The following GPC6 variants were observed in gnomAD, a reference collection of about 807,000 sequenced individuals.
GPC6 encodes the protein glypican-6.
Under a neutral mutation model 55.2 loss-of-function variants are expected in GPC6, and 14 were observed. That is an observed-to-expected ratio of 0.25 (90% confidence interval 0.17 to 0.40). GPC6 has a LOEUF of 0.40. GPC6 is among the 10% of genes least tolerant of loss of function. The probability of loss-of-function intolerance (pLI) is 1.00; values close to 1 mark genes in which losing one functional copy is unlikely to be tolerated. For synonymous variants in GPC6, 278 were observed against 259.6 expected (o/e 1.07, Z -0.68); for missense variants, 641 against 708.5 (o/e 0.90, Z 1.08).
chr13:93,822,806 T>C, intron 2 of GPC6, among the ~76,000 whole-genome samples: 1 of 151,082 alleles, frequency 6.6e-6, no homozygotes, highest in Non-Finnish European at 1.5e-5. Flanking sequence ...TAGTATTCCA[T>C]GGTGTATAAG....
At chr13:94,104,140 A>T (rs1183915711) in intron 4 of GPC6, among the ~76,000 whole-genome samples, 1 of 152,138 alleles carries the variant, frequency 6.6e-6, no homozygotes, top group Non-Finnish European at 1.5e-5. Flanking sequence ...TTAAATAGGG[A>T]ATTGTTTCCC....
At chr13:93,812,318 G>A (rs979124216) in intron 2 of GPC6, among the ~76,000 whole-genome samples, 8 of 151,854 alleles carry the variant, frequency 5.3e-5, no homozygotes, top group African/African-American at 1.2e-4. Context: ...ACTGGGAGGC[G>A]GAGGTTGCAG....
intron 4 of GPC6, among the ~76,000 whole-genome samples, chr13:94,093,075 C>T (rs974709054): frequency 6.6e-6 from 1 of 152,008 alleles, no homozygotes; most frequent in Non-Finnish European, 1.5e-5. Flanking sequence ...TGCCTTTTCA[C>T]TCAATTGATT....
At chr13:93,264,443 T>G (rs989147933) in intron 1 of GPC6, among the ~76,000 whole-genome samples, 3 of 152,160 alleles carry the variant, frequency 2.0e-5, no homozygotes, top group African/African-American at 7.2e-5. Context: ...AGATTCTTGC[T>G]CTTTTGCCCA....
At chr13:94,034,455 T>C (rs1185097668) in intron 4 of GPC6, among the ~76,000 whole-genome samples, 2 of 152,116 alleles carry the variant, frequency 1.3e-5, no homozygotes, top group Admixed American at 6.6e-5. Flanking sequence ...TTTCTTAACC[T>C]CTGAACACTT....
intron 2 of GPC6, among the ~76,000 whole-genome samples, chr13:93,614,667 T>C (rs1231632535): frequency 6.6e-6 from 1 of 152,202 alleles, no homozygotes; most frequent in Non-Finnish European, 1.5e-5. Flanking sequence ...CCTATATTTT[T>C]TTCAAATTAT....
At chr13:93,254,754 A>G (rs1321620889) in intron 1 of GPC6, among the ~76,000 whole-genome samples, 1 of 152,218 alleles carries the variant, frequency 6.6e-6, no homozygotes, top group Non-Finnish European at 1.5e-5. Flanking sequence ...CAACAAGCAG[A>G]AAAATTCATC....
chr13:94,327,333 A>AT (rs1414282884), intron 6 of GPC6, among the ~76,000 whole-genome samples: 1 of 152,086 alleles, frequency 6.6e-6, no homozygotes, highest in Non-Finnish European at 1.5e-5. Flanking sequence ...AGAGCATCTC[A>AT]TTGCAGATGT....
rs34041331 is a variant in GPC6 at position 93,680,828 on chromosome 13, C to CT, written c.319+135412dup. ...TATGTGTTATTCGTTTTTGGCCTCC[C>CT]TTTTTGAGAGTCTTTCTATAGGAAA... On this transcript the variant is annotated intron_variant, in intron 2 of 8. Transcript: ENST00000377047. 5.9e-3 allele frequency among the ~76,000 whole-genome samples: 902 copies of CT among 152,174 alleles called. 2 individuals are homozygous for CT. The highest frequency in any genetic ancestry group is 0.011 in the Non-Finnish European group (734 of 68,018).
Position 93,327,480 on chromosome 13 carries a change from A to G in GPC6, c.160+99864A>G, listed in dbSNP as rs1041099775. On this transcript the variant is annotated intron_variant, in intron 1 of 8. Coordinates refer to ENST00000377047, the MANE Select transcript of GPC6 (RefSeq NM_005708.5). ...ATTTAACAGGAAAAAAATCAATTGC[A>G]TAGGAGAAAATAGAGATGTTTCAGT... Among the ~76,000 whole-genome samples the G allele has an allele frequency of 2.0e-5, 3 of 152,158 alleles. No individual in the cohort carries two copies. The East Asian group carries it at 5.8e-4, about 29-fold the overall frequency.
chr13:94,065,274 A>C (rs972496417), intron 4 of GPC6, among the ~76,000 whole-genome samples: 9 of 152,218 alleles, frequency 5.9e-5, no homozygotes, highest in African/African-American at 1.9e-4. Context: ...CAGTGTGATC[A>C]GTCCCAGGCT....
intron 3 of GPC6, among the ~76,000 whole-genome samples, chr13:93,957,397 G>A (rs141984479): frequency 6.6e-5 from 10 of 152,028 alleles, no homozygotes; most frequent in East Asian, 3.9e-4. Context: ...TCCACTAGTC[G>A]GCAGTGACCA....
At chr13:93,473,086 C>T (rs1879181371) in intron 1 of GPC6, among the ~76,000 whole-genome samples, 1 of 152,160 alleles carries the variant, frequency 6.6e-6, no homozygotes, top group Non-Finnish European at 1.5e-5. Flanking sequence ...CCATGGGTGG[C>T]CATGGGTGGG....
At chr13:94,128,625 T>G (rs2138862804) in intron 4 of GPC6, among the ~76,000 whole-genome samples, 1 of 152,100 alleles carries the variant, frequency 6.6e-6, no homozygotes, top group East Asian at 1.9e-4. Context: ...GGCTTGGAAG[T>G]GACAGAGTGT....
chr13:94,189,975 C>T (rs1386718806), intron 4 of GPC6, among the ~76,000 whole-genome samples: 2 of 149,236 alleles, frequency 1.3e-5, no homozygotes, highest in Non-Finnish European at 3.0e-5. Flanking sequence ...GATCCGAGAT[C>T]ACGCCACTGC....
chr13:93,651,326 A>C (rs1426807261), intron 2 of GPC6, among the ~76,000 whole-genome samples: 1 of 151,850 alleles, frequency 6.6e-6, no homozygotes, highest in Non-Finnish European at 1.5e-5. Context: ...TTTGCTTTGT[A>C]CAACTTTTCT....
chr13:93,528,616 A>G (rs1376722357), intron 1 of GPC6, among the ~76,000 whole-genome samples: 1 of 152,200 alleles, frequency 6.6e-6, no homozygotes, highest in Non-Finnish European at 1.5e-5. Flanking sequence ...GACTAAAAAC[A>G]TCTTTGGATA....
chr13:93,522,947 T>G (rs1881476146), intron 1 of GPC6, among the ~76,000 whole-genome samples: 3 of 151,732 alleles, frequency 2.0e-5, no homozygotes, highest in Admixed American at 6.6e-5. Context: ...AAAAAGCAGT[T>G]TGATGTCAGA....
intron 3 of GPC6, among the ~76,000 whole-genome samples, chr13:93,884,490 A>G (rs904534172): frequency 3.3e-5 from 5 of 152,102 alleles, no homozygotes; most frequent in Admixed American, 6.6e-5. Context: ...AAGCATTGCA[A>G]TATTTACATC....
Sources: allele counts gnomAD v4.1 joint callset (sites outside exome capture counted in the v4.1 genomes callset), GRCh38; gene constraint gnomAD v4.1.1; transcripts MANE v1.5; gene names NCBI Gene and HGNC (gene_info 2026-07-23, HGNC 2026-07-21).